Variants in GRM1 observed in about 807,000 individuals in gnomAD.
GRM1 encodes the protein metabotropic glutamate receptor 1.
In GRM1, 33 loss-of-function variants were observed where a neutral mutation model predicts 90.9. That is an observed-to-expected ratio of 0.36 (90% CI 0.28 to 0.49). The LOEUF (loss-of-function observed/expected upper bound fraction) is 0.49. Among genes scored for constraint, GRM1 ranks in the 20% least tolerant of loss-of-function variants. The probability of loss-of-function intolerance (pLI) is 0.99; values close to 1 mark genes in which losing one functional copy is unlikely to be tolerated. For synonymous variants in GRM1, 700 were observed against 613.2 expected, an observed-to-expected ratio of 1.14 and a Z score of -2.09; for missense variants, 1,190 against 1,534.3, an observed-to-expected ratio of 0.78 and a Z score of 3.75.
intron 2 of GRM1, among the ~76,000 whole-genome samples, chr6:146,180,470 G>A (rs1778508777): frequency 1.3e-5 from 2 of 152,022 alleles, no homozygotes; most frequent in Non-Finnish European, 2.9e-5. Flanking sequence ...TAAAAGCAGA[G>A]GAACTTTTTT....
chr6:146,197,292 T>C (rs964779977), intron 2 of GRM1, among the ~76,000 whole-genome samples: 7 of 152,244 alleles, frequency 4.6e-5, no homozygotes, highest in African/African-American at 1.7e-4. Flanking sequence ...TGAAATGTTT[T>C]CAAAACTTGA....
At position 146,434,768 on chromosome 6, in the gene GRM1, A is replaced by G. The variant is rs577832006; in HGVS notation, c.3557A>G (p.Asp1186Gly). 3 of 1,599,514 alleles carry G rather than the reference A, an allele frequency of 1.9e-6. No homozygotes were observed. The highest frequency in any genetic ancestry group is 1.7e-5 in the Admixed American group (1 of 60,028). ...NVSYASVILR[D>G]YKQSSSTL ...TCCTACGCCTCTGTCATTCTGCGGG[A>G]CTACAAGCAAAGCTCTTCCACCCTG... Residue 1186 changes from aspartate to glycine, a missense_variant, in exon 8 of 8, where the codon GAC becomes GGC. Physicochemically the swap from Asp to Gly is moderately conservative, Grantham distance 94. Coordinates refer to ENST00000282753, the MANE Select transcript of GRM1 (RefSeq NM_001278064.2).
chr6:146,397,416 G>C (rs1424888848), intron 6 of GRM1, among the ~76,000 whole-genome samples: 3 of 143,276 alleles, frequency 2.1e-5, no homozygotes, highest in Non-Finnish European at 4.5e-5. Context: ...GGAGCTTGCA[G>C]TGAGCTGAGA....
intron 1 of GRM1, among the ~76,000 whole-genome samples, chr6:146,111,891 T>A (rs960462100): frequency 6.6e-6 from 1 of 152,222 alleles, no homozygotes; most frequent in Non-Finnish European, 1.5e-5. Context: ...TTTAACTGTT[T>A]AACATATTTT....
At chr6:146,079,461 A>G (rs1320668646) in intron 1 of GRM1, among the ~76,000 whole-genome samples, 1 of 152,176 alleles carries the variant, frequency 6.6e-6, no homozygotes, top group Non-Finnish European at 1.5e-5. Flanking sequence ...GAGCAGATGG[A>G]TGGAGAACAG....
At chr6:146,237,282 T>C (rs1368020132) in intron 2 of GRM1, among the ~76,000 whole-genome samples, 1 of 152,100 alleles carries the variant, frequency 6.6e-6, no homozygotes, top group African/African-American at 2.4e-5. Context: ...TTTTGATAAG[T>C]ATAACTCTCC....
chr6:146,287,049 A>G (rs777896024), intron 2 of GRM1, among the ~76,000 whole-genome samples: 1 of 152,196 alleles, frequency 6.6e-6, no homozygotes, highest in Non-Finnish European at 1.5e-5. Context: ...CTCAGGGAGA[A>G]AAAAGAATAC....
intron 3 of GRM1, among the ~76,000 whole-genome samples, chr6:146,308,504 A>G (rs1224816445): frequency 6.6e-6 from 1 of 152,382 alleles, no homozygotes; most frequent in African/African-American, 2.4e-5. Flanking sequence ...TTGTAAGTTT[A>G]ACTTAACTAC....
intron 2 of GRM1, among the ~76,000 whole-genome samples, chr6:146,260,816 T>G (rs1210680408): frequency 2.4e-5 from 3 of 125,916 alleles, no homozygotes; most frequent in African/African-American, 7.2e-5. Flanking sequence ...TTTTTTTTTT[T>G]TTTTTTTTTT....
At chr6:146,258,991 C>A (rs1781584478) in intron 2 of GRM1, among the ~76,000 whole-genome samples, 1 of 152,166 alleles carries the variant, frequency 6.6e-6, no homozygotes, top group South Asian at 2.1e-4. Context: ...TGTATCCCAT[C>A]TAGAATACTG....
At chr6:146,114,170 A>G (rs1383002619) in intron 1 of GRM1, among the ~76,000 whole-genome samples, 1 of 152,234 alleles carries the variant, frequency 6.6e-6, no homozygotes, top group Non-Finnish European at 1.5e-5. Flanking sequence ...GATCTCATTT[A>G]TTAAAAACAG....
At chr6:146,346,936 C>T (rs753939395) in intron 3 of GRM1, among the ~76,000 whole-genome samples, 9 of 152,098 alleles carry the variant, frequency 5.9e-5, no homozygotes, top group East Asian at 3.9e-4. Flanking sequence ...ATTGCTTCCC[C>T]GAATGCTTCC....
At chr6:146,380,842 G>T (rs1776294088) in intron 5 of GRM1, among the ~76,000 whole-genome samples, 1 of 152,136 alleles carries the variant, frequency 6.6e-6, no homozygotes, top group South Asian at 2.1e-4. Flanking sequence ...GGTGATAAAT[G>T]CTGCCAGGAC....
chr6:146,325,676 C>T (rs1424488719), intron 3 of GRM1, among the ~76,000 whole-genome samples: 1 of 151,754 alleles, frequency 6.6e-6, no homozygotes, highest in Admixed American at 6.6e-5. Context: ...GTCCAGGGGT[C>T]CTTGGAACAC....
intron 1 of GRM1, among the ~76,000 whole-genome samples, chr6:146,105,262 T>A (rs1777188916): frequency 6.6e-6 from 1 of 152,204 alleles, no homozygotes. Flanking sequence ...AAATGTGAAT[T>A]ATTTCTTTTG....
intron 2 of GRM1, among the ~76,000 whole-genome samples, chr6:146,189,551 A>G (rs984514814): frequency 1.3e-5 from 2 of 152,202 alleles, no homozygotes; most frequent in Admixed American, 1.3e-4. Flanking sequence ...TCATATCATT[A>G]TCATTATGCT....
intron 2 of GRM1, among the ~76,000 whole-genome samples, chr6:146,212,717 A>T (rs1410178004): frequency 1.3e-5 from 2 of 152,268 alleles, no homozygotes; most frequent in Non-Finnish European, 2.9e-5. Flanking sequence ...TGCCCCTACA[A>T]ACTCAGTTCA....
intron 2 of GRM1, among the ~76,000 whole-genome samples, chr6:146,163,654 C>T (rs1777812464): frequency 1.3e-5 from 2 of 152,098 alleles, no homozygotes; most frequent in Non-Finnish European, 2.9e-5. Context: ...CTAGATTTAC[C>T]ATGATTGTTT....
At chr6:146,146,484 T>G (rs1777107606) in intron 1 of GRM1, among the ~76,000 whole-genome samples, 1 of 152,156 alleles carries the variant, frequency 6.6e-6, no homozygotes. Flanking sequence ...TGGAATGAAT[T>G]AAGACTTTGG....
Sources: gnomAD v4.1 joint callset for allele counts (sites outside exome capture counted in the v4.1 genomes callset) on GRCh38, gnomAD v4.1.1 for gene constraint, MANE v1.5 for transcripts, NCBI Gene and HGNC (gene_info 2026-07-23, HGNC 2026-07-21) for gene names.